TRPC1: variants seen among roughly 807,000 people sequenced by gnomAD.
The protein encoded by TRPC1 is short transient receptor potential channel 1.
TRPC1 carries 42 observed loss-of-function variants against 88.2 expected under a neutral mutation model. That is an observed-to-expected ratio of 0.48 (90% confidence interval 0.37 to 0.62). The LOEUF is 0.62. TRPC1 is among the 20% of genes least tolerant of loss of function. The pLI is 0.00. For missense variants in TRPC1, 699 were observed against 957.3 expected (o/e 0.73, Z 3.56); for synonymous variants, 288 against 331.8 (o/e 0.87, Z 1.43).
At chr3:142,727,582 G>A (rs550496763) in intron 1 of TRPC1, among the ~76,000 whole-genome samples, 9 of 152,286 alleles carry the variant, frequency 5.9e-5, no homozygotes, top group African/African-American at 2.2e-4. Flanking sequence ...TTCATAGTGG[G>A]TGAGGATCAT....
intron 3 of TRPC1, among the ~76,000 whole-genome samples, chr3:142,747,171 T>C (rs1934586331): frequency 6.6e-6 from 1 of 152,184 alleles, no homozygotes; most frequent in African/African-American, 2.4e-5. Flanking sequence ...CTACTGTTTA[T>C]GCCAAAGATG....
chr3:142,791,846 C>A (rs1394537845), intron 8 of TRPC1, among the ~76,000 whole-genome samples: 1 of 151,942 alleles, frequency 6.6e-6, no homozygotes, highest in African/African-American at 2.4e-5. Flanking sequence ...CAAAAATCTA[C>A]CCTTATAGAT....
chr3:142,726,668 CTT>C (rs758421069), intron 1 of TRPC1, among the ~76,000 whole-genome samples: 4 of 152,054 alleles, frequency 2.6e-5, no homozygotes, highest in Non-Finnish European at 5.9e-5. Flanking sequence ...TAAAAAGTAA[CTT>C]TGAGTTATAG....
intron 4 of TRPC1, among the ~76,000 whole-genome samples, chr3:142,772,375 T>C (rs1186983819): frequency 6.6e-6 from 1 of 152,200 alleles, no homozygotes; most frequent in Non-Finnish European, 1.5e-5. Flanking sequence ...GTTCTTCAGC[T>C]TGCATAATCT....
At chr3:142,748,574 T>C (rs1934641006) in intron 4 of TRPC1, 114 bp downstream of exon 4, 2 of 1,074,584 alleles carry the variant, frequency 1.9e-6, no homozygotes, top group Non-Finnish European at 2.7e-6. Flanking sequence ...TGGGGTGACT[T>C]ATGAAAGCCA....
chr3:142,725,386 T>C (rs1002624503), intron 1 of TRPC1, among the ~76,000 whole-genome samples: 3 of 152,170 alleles, frequency 2.0e-5, no homozygotes, highest in African/African-American at 7.2e-5. Flanking sequence ...GTTAGTGCTT[T>C]TTATTGGAGA....
chr3:142,787,230 A>C (rs940173757), intron 7 of TRPC1, among the ~76,000 whole-genome samples: 1 of 152,216 alleles, frequency 6.6e-6, no homozygotes, highest in African/African-American at 2.4e-5. Flanking sequence ...AAGCCTTGCC[A>C]AGGAAGTCTT....
chr3:142,754,996 A>C (rs1934907731), intron 4 of TRPC1, among the ~76,000 whole-genome samples: 1 of 152,192 alleles, frequency 6.6e-6, no homozygotes, highest in Admixed American at 6.5e-5. Flanking sequence ...ATATTGCCAG[A>C]ATCTTTAAAG....
At chr3:142,777,514 G>T (rs1162114048) in intron 4 of TRPC1, 118 bp from the exon 5 acceptor site, 2 of 555,594 alleles carry the variant, frequency 3.6e-6, no homozygotes, top group African/African-American at 3.9e-5. Flanking sequence ...AAATATATCT[G>T]TAGTTTTTCT....
chr3:142,739,510 A>C (rs1051594360), intron 2 of TRPC1, among the ~76,000 whole-genome samples: 4 of 152,234 alleles, frequency 2.6e-5, no homozygotes, highest in Non-Finnish European at 4.4e-5. Flanking sequence ...TTTTTGAGAC[A>C]CTGAATTGAT....
intron 4 of TRPC1, among the ~76,000 whole-genome samples, chr3:142,754,600 T>C (rs1306174632): frequency 6.6e-6 from 1 of 152,212 alleles, no homozygotes; most frequent in Admixed American, 6.5e-5. Context: ...GCATAGTGTT[T>C]TTTATAATTT....
intron 5 of TRPC1, among the ~76,000 whole-genome samples, chr3:142,779,126 A>G (rs1935876665): frequency 6.6e-6 from 1 of 152,202 alleles, no homozygotes; most frequent in Non-Finnish European, 1.5e-5. Context: ...AACTGCTATG[A>G]TTATATAATC....
In TRPC1 at chr3:142,724,571, C is replaced by T; in HGVS notation, c.12C>T (p.Ala4=). Reference sequence around the variant, plus strand: ...CTTCATGGGCCGCGATGATGGCGGCCCTGTACCCGAGCACGGACCTCTCGG... The same window carrying T: ...CTTCATGGGCCGCGATGATGGCGGCTCTGTACCCGAGCACGGACCTCTCGG... The part of the protein sequence containing the change: MMA[A]LYPSTDLSGA... Residue 4 remains alanine, a synonymous_variant, in exon 1 of 13, where the codon GCC becomes GCT. Transcript: ENST00000476941. This position sits in a 1 kb window ranked among gnomAD's most constrained non-coding sequence, Gnocchi z 5.6. 1 of 1,581,222 alleles carries T rather than the reference C, an allele frequency of 6.3e-7. No individual in the cohort carries two copies. Among genetic ancestry groups the T allele is most frequent in the Non-Finnish European group, 8.6e-7 (1 of 1,165,564 alleles).
Position 142,804,562 on chromosome 3 carries a change from A to G in TRPC1, c.2086A>G (p.Ser696Gly), listed in dbSNP as rs757334759. ...ACCAAAGACTATCTGCTATATGATT[A>G]GTAGCCTCAGTAAGTGGATTTGCTC... ...PSPKTICYMI[S>G]SLSKWICSHT... Residue 696 changes from serine to glycine, a missense_variant, in exon 12 of 13, where the codon AGT (serine) becomes GGT (glycine). Transcript: ENST00000476941. 3 of 1,613,160 alleles carry G rather than the reference A, an allele frequency of 1.9e-6. No homozygotes were observed. The highest frequency in any genetic ancestry group is 1.1e-5 in the South Asian group (1 of 90,992).
At chr3:142,800,807 A>G (rs1936595625) in intron 9 of TRPC1, among the ~76,000 whole-genome samples, 1 of 151,936 alleles carries the variant, frequency 6.6e-6, no homozygotes, top group Non-Finnish European at 1.5e-5. Context: ...AATCCCAGCT[A>G]CTTGGGAGGC....
chr3:142,724,386 T>A lies in TRPC1; in HGVS notation c.-174T>A. ...CTTGGGGCTGTCAGTGGAGGGCGAG[T>A]GCTGGTTCTCAGGGGAGGCGACGCC... is the stretch of plus-strand genomic sequence containing the variant. On this transcript the variant is annotated 5_prime_UTR_variant, in exon 1 of 13. Transcript: ENST00000476941. The surrounding 1 kb of genome is among the most constrained non-coding windows in gnomAD (Gnocchi z 5.6). 1 of 509,804 alleles carries A rather than the reference T, an allele frequency of 2.0e-6. No homozygotes were observed. Among genetic ancestry groups the A allele is most frequent in the East Asian group, 3.6e-5 (1 of 28,036 alleles). 31.6% of individuals were successfully genotyped at this position (509,804 alleles called of 1,614,324 possible). A position where few individuals can be genotyped will look rare whatever the true frequency, so the allele number is the denominator to read the frequency against.
At chr3:142,790,722 G>A (rs1164764759) in intron 7 of TRPC1, among the ~76,000 whole-genome samples, 2 of 152,028 alleles carry the variant, frequency 1.3e-5, no homozygotes, top group Admixed American at 6.6e-5. Context: ...CCATGTGCAT[G>A]CATCCGTGTG....
At chr3:142,766,709 GC>G (rs1265574712) in intron 4 of TRPC1, among the ~76,000 whole-genome samples, 1 of 152,056 alleles carries the variant, frequency 6.6e-6, no homozygotes, top group Non-Finnish European at 1.5e-5. Flanking sequence ...CATGCTGGAT[GC>G]CCTCAAACAC....
intron 4 of TRPC1, among the ~76,000 whole-genome samples, chr3:142,771,295 G>C (rs367986003): frequency 2.7e-4 from 41 of 152,072 alleles, no homozygotes; most frequent in African/African-American, 9.9e-4. Flanking sequence ...GGTTTCTCTA[G>C]GACTTGTCAT....
Sources: allele counts gnomAD v4.1 joint callset (sites outside exome capture counted in the v4.1 genomes callset), GRCh38; gene constraint gnomAD v4.1.1; non-coding constraint Gnocchi (gnomAD v3.1); transcripts MANE v1.5; gene names NCBI Gene and HGNC (gene_info 2026-07-23, HGNC 2026-07-21).